The following EPN2 variants were observed in gnomAD, a reference collection of about 807,000 sequenced individuals.
The protein encoded by EPN2 is epsin-2.
A neutral mutation model predicts 61.7 loss-of-function variants in EPN2; 34 were observed. The ratio of observed to expected loss-of-function variants is 0.55; its 90% CI spans 0.42 to 0.73. The LOEUF is 0.73. Among genes scored for constraint, EPN2 ranks in the 30% least tolerant of loss-of-function variants. The pLI, the probability that EPN2 is intolerant of heterozygous loss-of-function variation, is 0.00. For missense variants in EPN2, 714 were observed against 839.2 expected, an observed-to-expected ratio of 0.85 and a Z score of 1.84; for synonymous variants, 349 against 353.6, an observed-to-expected ratio of 0.99 and a Z score of 0.15.
At chr17:19,238,005 C>T (rs184441541) in intron 1 of EPN2, among the ~76,000 whole-genome samples, 1,633 of 152,306 alleles carry the variant, frequency 0.011, 20 homozygotes, top group African/African-American at 0.037. Context: ...TCCGGGCGCC[C>T]TCCGGGAATC....
chr17:19,310,056 G>T, intron 5 of EPN2, 59 bp downstream of exon 5: 2 of 1,241,342 alleles, frequency 1.6e-6, no homozygotes, highest in Non-Finnish European at 2.3e-6. Flanking sequence ...GTGGAGTGTG[G>T]CTCACTGGGA....
In EPN2 at chr17:19,283,527, C is replaced by T. The variant is rs757626420; in HGVS notation, c.408C>T (p.Asp136=). The change falls in exon 3 of 11, where the codon GAC becomes GAT. Residue 136 remains aspartate (D), a synonymous_variant. Coordinates refer to ENST00000314728, the MANE Select transcript of EPN2 (RefSeq NM_014964.5). This position sits in a 1 kb window ranked among gnomAD's most constrained non-coding sequence, Gnocchi z 7.0. ...AGCAACTGGTGGCTCTCCTCAAGGACGAGGAACGGTTGAAGGCTGAGAGGG... is the reference window on the plus strand; with the variant it reads ...AGCAACTGGTGGCTCTCCTCAAGGATGAGGAACGGTTGAAGGCTGAGAGGG... ...KSKQLVALLK[D]EERLKAERAQ... is the part of the protein sequence containing the mutation. 14 of 1,614,208 alleles carry T rather than the reference C, an allele frequency of 8.7e-6. No individual in the cohort carries two copies. Among genetic ancestry groups the T allele is most frequent in the African/African-American group, 6.7e-5 (5 of 75,056 alleles).
At chr17:19,274,195 G>A (rs1346460651) in intron 1 of EPN2, 1 of 152,502 alleles carries the variant, frequency 6.6e-6, no homozygotes, top group Non-Finnish European at 1.5e-5. Flanking sequence ...AAATCACCAT[G>A]GGGGCTTAAG....
chr17:19,260,450 C>A (rs537817039), intron 1 of EPN2, among the ~76,000 whole-genome samples: 1 of 152,246 alleles, frequency 6.6e-6, no homozygotes, highest in East Asian at 1.9e-4. Flanking sequence ...AGGGTCCCTG[C>A]CCTCCAGCTT....
chr17:19,273,187 C>T (rs2045272717), intron 1 of EPN2: 1 of 152,206 alleles, frequency 6.6e-6, no homozygotes, highest in South Asian at 2.1e-4. Context: ...GGGTGGACCT[C>T]CTACTCCCCT....
At chr17:19,297,962 G>A (rs1400757130) in intron 4 of EPN2, among the ~76,000 whole-genome samples, 2 of 152,024 alleles carry the variant, frequency 1.3e-5, no homozygotes, top group Non-Finnish European at 2.9e-5. Flanking sequence ...CTGCAGCCCT[G>A]CCTCCTGGGT....
chr17:19,317,601 C>T (rs979848065), intron 7 of EPN2, among the ~76,000 whole-genome samples: 1 of 152,230 alleles, frequency 6.6e-6, no homozygotes, highest in Non-Finnish European at 1.5e-5. Context: ...GACCGGGACA[C>T]AGGCTCCCTG....
intron 1 of EPN2, among the ~76,000 whole-genome samples, chr17:19,240,279 G>A (rs1272454863): frequency 6.6e-6 from 1 of 151,498 alleles, no homozygotes; most frequent in Non-Finnish European, 1.5e-5. Context: ...GGCGTCTCAC[G>A]CTGTCACCCA....
At chr17:19,299,809 C>T (rs1468671266) in intron 4 of EPN2, among the ~76,000 whole-genome samples, 2 of 152,248 alleles carry the variant, frequency 1.3e-5, no homozygotes. Flanking sequence ...TGTTGGGGCT[C>T]TCCCTTTTTT....
intron 1 of EPN2, among the ~76,000 whole-genome samples, chr17:19,270,755 TAGGCTGCTGCCC>T (rs2045244870): frequency 6.6e-6 from 1 of 152,302 alleles, no homozygotes; most frequent in East Asian, 1.9e-4. Flanking sequence ...ATTTCAGCCC[TAGGCTGCTGCCC>T]AGGCTGCTGG....
intron 4 of EPN2, among the ~76,000 whole-genome samples, chr17:19,306,987 A>G (rs1299543757): frequency 1.3e-5 from 2 of 152,156 alleles, no homozygotes; most frequent in Non-Finnish European, 2.9e-5. Flanking sequence ...TGCCCTGTTC[A>G]CTTGAGAAGA....
At chr17:19,289,724 G>GTTTTTGTTTTTTTTTTT (rs2045442474) in intron 4 of EPN2, among the ~76,000 whole-genome samples, 1 of 78,028 alleles carries the variant, frequency 1.3e-5, no homozygotes, top group Non-Finnish European at 2.3e-5. Context: ...GGCGCTCATG[G>GTTTTTGTTTTTTTTTTT]TTTTTTTTTT....
intron 1 of EPN2, among the ~76,000 whole-genome samples, chr17:19,246,353 CA>C (rs1169873552): frequency 1.1e-4 from 17 of 152,098 alleles, no homozygotes; most frequent in African/African-American, 4.1e-4. Flanking sequence ...GAGACTGTCT[CA>C]AAATAATAAG....
intron 4 of EPN2, among the ~76,000 whole-genome samples, chr17:19,300,737 A>T (rs191820666): frequency 6.6e-6 from 1 of 152,166 alleles, no homozygotes; most frequent in African/African-American, 2.4e-5. Context: ...CAAACTGTCA[A>T]TCTTGGAGGC....
intron 7 of EPN2, among the ~76,000 whole-genome samples, chr17:19,316,786 G>A (rs1435935725): frequency 6.6e-6 from 1 of 152,130 alleles, no homozygotes; most frequent in Non-Finnish European, 1.5e-5. Flanking sequence ...TGTTCATAGG[G>A]GTGTTTTTGC....
At chr17:19,326,149 G>T (rs894690615) in intron 7 of EPN2, among the ~76,000 whole-genome samples, 2 of 152,028 alleles carry the variant, frequency 1.3e-5, no homozygotes, top group African/African-American at 4.8e-5. Flanking sequence ...ATGTGATCTT[G>T]GTTTGGAAAA....
intron 1 of EPN2, among the ~76,000 whole-genome samples, chr17:19,246,681 C>T (rs117908458): frequency 1.3e-5 from 2 of 150,154 alleles, no homozygotes; most frequent in Non-Finnish European, 3.0e-5. Context: ...TCCGCCCCCC[C>T]CAAAAAAATA....
chr17:19,281,382 G>A lies in EPN2; in HGVS notation c.-293-573G>A, dbSNP rs947297252. On this transcript the variant is annotated intron_variant, in intron 1 of 10. Transcript: ENST00000314728. The stretch of plus-strand genomic sequence containing the variant: ...GGTTTGGAATCCCTGCCAAGTGCCC[G>A]GGATGAAGACCAAATACATATTTCA... 3.3e-5 allele frequency among the ~76,000 whole-genome samples: 5 copies of A among 152,158 alleles called. No homozygotes were observed. The South Asian group carries it at 1.0e-3, about 31-fold the overall frequency.
chr17:19,268,663 C>T (rs1445691006), intron 1 of EPN2, among the ~76,000 whole-genome samples: 1 of 152,132 alleles, frequency 6.6e-6, no homozygotes, highest in Admixed American at 6.5e-5. Flanking sequence ...CCCACGTGTC[C>T]CAGGAGACAT....
Sources: allele counts gnomAD v4.1 joint callset (sites outside exome capture counted in the v4.1 genomes callset), GRCh38; gene constraint gnomAD v4.1.1; non-coding constraint Gnocchi (gnomAD v3.1); transcripts MANE v1.5; gene names NCBI Gene and HGNC (gene_info 2026-07-23, HGNC 2026-07-21).